Variants in ZNF704 observed in about 807,000 individuals in gnomAD.
The protein encoded by ZNF704 is glucocorticoid induced gene 1.
In ZNF704, 10 loss-of-function variants were observed where a neutral mutation model predicts 44.7. That is an observed-to-expected ratio of 0.22 (90% CI 0.14 to 0.38). The LOEUF (loss-of-function observed/expected upper bound fraction) is 0.38, where lower values mean the gene tolerates loss of function less well. Among genes scored for constraint, ZNF704 ranks in the 10% least tolerant of loss-of-function variants. The pLI, the probability that ZNF704 is intolerant of heterozygous loss-of-function variation, is 1.00. For synonymous variants in ZNF704, 211 were observed against 207.6 expected, an observed-to-expected ratio of 1.02 and a Z score of -0.14; for missense variants, 390 against 545.5, an observed-to-expected ratio of 0.71 and a Z score of 2.84.
intron 2 of ZNF704, among the ~76,000 whole-genome samples, chr8:80,767,303 T>C (rs1450594313): frequency 6.6e-6 from 1 of 151,818 alleles, no homozygotes; most frequent in Non-Finnish European, 1.5e-5. Context: ...CCCATTAAAG[T>C]ATTCATTGTT....
chr8:80,830,041 G>A (rs1346298858), intron 1 of ZNF704, among the ~76,000 whole-genome samples: 1 of 152,022 alleles, frequency 6.6e-6, no homozygotes, highest in Non-Finnish European at 1.5e-5. Context: ...TCTTTTTAAT[G>A]TCTTTTATTC....
intron 2 of ZNF704, among the ~76,000 whole-genome samples, chr8:80,750,755 T>C (rs189850026): frequency 6.6e-6 from 1 of 152,244 alleles, no homozygotes; most frequent in African/African-American, 2.4e-5. Flanking sequence ...CCTCAGGTGA[T>C]CCACCCACCT....
intron 2 of ZNF704, among the ~76,000 whole-genome samples, chr8:80,767,827 A>G (rs1261002194): frequency 6.6e-6 from 1 of 152,168 alleles, no homozygotes. Flanking sequence ...GAAACCCTCT[A>G]TAACTAAGGT....
rs532222931 is a variant in ZNF704 at position 80,838,764 on chromosome 8, C to A, written c.-21-17149G>T. Among the ~76,000 whole-genome samples, 5 of 138,168 alleles carry A rather than the reference C, an allele frequency of 3.6e-5. No individual in the cohort carries two copies. The East Asian group carries it at 1.0e-3, about 29-fold the overall frequency. 90.6% of individuals were successfully genotyped at this position (138,168 alleles called of 152,430 possible). ...GGAGGAGGAGGAGGAGGAGGCCACC[C>A]GAGGTGGCAATGGAGGCAGCGGCAG... On this transcript the variant is annotated intron_variant, in intron 1 of 8. Transcript: ENST00000327835.
Position 80,874,520 on chromosome 8 carries a change from C to G in ZNF704, c.-22+51G>C, listed in dbSNP as rs1225295900. 4 of 151,986 alleles carry G rather than the reference C, an allele frequency of 2.6e-5. No individual in the cohort carries two copies. The highest frequency in any genetic ancestry group is 9.7e-5 in the African/African-American group (4 of 41,408). The allele number at this position is 151,986 out of a possible 1,614,324, so 9.4% of individuals were successfully genotyped here. On this transcript the variant is annotated intron_variant, in intron 1 of 8. Coordinates refer to ENST00000327835, the MANE Select transcript of ZNF704 (RefSeq NM_001033723.3). The surrounding 1 kb of genome is among the most constrained non-coding windows in gnomAD (Gnocchi z 4.4). The stretch of plus-strand genomic sequence containing the variant: ...TTCGCGAGCCATTCCTCACAACCCT[C>G]CGGTCCCCCCGCTCAGACAAAACCC...
At position 80,833,397 on chromosome 8, in the gene ZNF704, C is replaced by T. The variant is rs933688076; in HGVS notation, c.-21-11782G>A. ...GCTAAGGATCATGTTCAAAGAAAGA[C>T]CAGAACCTTAGAATAAACTGATAAA... is the stretch of plus-strand genomic sequence containing the variant. On this transcript the variant is annotated intron_variant, in intron 1 of 8. Transcript: ENST00000327835. Among the ~76,000 whole-genome samples the T allele has an allele frequency of 2.6e-5, 4 of 152,246 alleles. No individual in the cohort carries two copies. In the South Asian group the frequency reaches 8.3e-4, roughly 32 times the overall value.
intron 2 of ZNF704, among the ~76,000 whole-genome samples, chr8:80,816,785 T>C (rs1808183469): frequency 6.6e-6 from 1 of 152,232 alleles, no homozygotes; most frequent in African/African-American, 2.4e-5. Flanking sequence ...TCTCTTTCTG[T>C]GTAGTTATCT....
chr8:80,790,750 G>C (rs927459946), intron 2 of ZNF704, among the ~76,000 whole-genome samples: 7 of 152,094 alleles, frequency 4.6e-5, no homozygotes, highest in African/African-American at 1.7e-4. Context: ...GCAATCTGAG[G>C]GTTAAGAAGT....
chr8:80,858,435 G>A (rs1225217583), intron 1 of ZNF704, among the ~76,000 whole-genome samples: 1 of 152,054 alleles, frequency 6.6e-6, no homozygotes, highest in East Asian at 1.9e-4. Flanking sequence ...GGTTTATTTA[G>A]AAGAATATTG....
intron 2 of ZNF704, among the ~76,000 whole-genome samples, chr8:80,705,505 T>C (rs1184335525): frequency 6.6e-6 from 1 of 151,866 alleles, no homozygotes; most frequent in Non-Finnish European, 1.5e-5. Flanking sequence ...TGTGTGTGTG[T>C]GCATGTGTAT....
rs1417341939 is a variant in ZNF704, at chr8:80,814,745, C to T, written c.221+6629G>A. Among the ~76,000 whole-genome samples the T allele has an allele frequency of 8.5e-5, 13 of 152,106 alleles. No individual in the cohort carries two copies. In the South Asian group the frequency reaches 2.7e-3, roughly 32 times the overall value. On this transcript the variant is annotated intron_variant, in intron 2 of 8. Coordinates refer to ENST00000327835, the MANE Select transcript of ZNF704 (RefSeq NM_001033723.3). ...GAAATATTTTAAAATGGTAAAGTGACCTTTTTTCTTTTTTTCAGTAGTCTC... is the reference window on the plus strand; with the variant it reads ...GAAATATTTTAAAATGGTAAAGTGATCTTTTTTCTTTTTTTCAGTAGTCTC...
chr8:80,819,084 C>A (rs893300728), intron 2 of ZNF704, among the ~76,000 whole-genome samples: 10 of 151,936 alleles, frequency 6.6e-5, no homozygotes, highest in African/African-American at 1.7e-4. Context: ...AGTAGATACC[C>A]CAAACAATGA....
In ZNF704 at chr8:80,845,606, T is replaced by C. The variant is rs116942755; in HGVS notation, c.-21-23991A>G. Among the ~76,000 whole-genome samples, 10 of 152,308 alleles carry C rather than the reference T, an allele frequency of 6.6e-5. 1 individual carries two copies. The East Asian group carries it at 1.9e-3, about 29-fold the overall frequency. The stretch of plus-strand genomic sequence containing the variant: ...TCTTAAAGATTGTGGACTTTACTGG[T>C]AGTAAAACAGTAAGAAGCTATCCGC... On this transcript the variant is annotated intron_variant, in intron 1 of 8. Transcript: ENST00000327835.
intron 8 of ZNF704, among the ~76,000 whole-genome samples, chr8:80,641,794 G>A (rs1817749220): frequency 6.6e-6 from 1 of 152,136 alleles, no homozygotes; most frequent in Non-Finnish European, 1.5e-5. Context: ...CCGGGAGGTG[G>A]AGTTTGCAGT....
chr8:80,865,702 A>G (rs1809143312), intron 1 of ZNF704, among the ~76,000 whole-genome samples: 1 of 152,196 alleles, frequency 6.6e-6, no homozygotes, highest in Non-Finnish European at 1.5e-5. Flanking sequence ...ACATATGTAA[A>G]GCAAACGTTG....
At chr8:80,695,385 C>T (rs978232038) in intron 2 of ZNF704, among the ~76,000 whole-genome samples, 6 of 152,190 alleles carry the variant, frequency 3.9e-5, no homozygotes, top group African/African-American at 9.7e-5. Context: ...CTCTTTCCAA[C>T]GGCCAGTCCA....
chr8:80,827,328 CAA>C, intron 1 of ZNF704, among the ~76,000 whole-genome samples: 1 of 152,122 alleles, frequency 6.6e-6, no homozygotes, highest in Non-Finnish European at 1.5e-5. Context: ...ACAATTACTT[CAA>C]AGAGAATAAA....
chr8:80,669,640 T>C (rs896555845), intron 5 of ZNF704, among the ~76,000 whole-genome samples: 1 of 152,256 alleles, frequency 6.6e-6, no homozygotes, highest in Non-Finnish European at 1.5e-5. Context: ...GACTGCTGCA[T>C]TTATTTCTCT....
intron 1 of ZNF704, among the ~76,000 whole-genome samples, chr8:80,872,351 G>A (rs1809266992): frequency 6.6e-6 from 1 of 152,134 alleles, no homozygotes; most frequent in Non-Finnish European, 1.5e-5. Flanking sequence ...ATAAATTTCT[G>A]CCCACATCTA....
Sources: allele counts gnomAD v4.1 joint callset (sites outside exome capture counted in the v4.1 genomes callset), GRCh38; gene constraint gnomAD v4.1.1; non-coding constraint Gnocchi (gnomAD v3.1); transcripts MANE v1.5; gene names NCBI Gene and HGNC (gene_info 2026-07-23, HGNC 2026-07-21).